The following CAPN12 variants were observed in gnomAD, a reference collection of about 807,000 sequenced individuals.
The protein encoded by CAPN12 is calpain 12.
In CAPN12, 107 loss-of-function variants were observed where a neutral mutation model predicts 95.0. The observed-to-expected ratio is 1.13, with a 90% CI of 0.96 to 1.32. The LOEUF (loss-of-function observed/expected upper bound fraction) is 1.32, where lower values mean the gene tolerates loss of function less well. Among genes scored for constraint, CAPN12 ranks in the 40% most tolerant of loss-of-function variants. The pLI is 0.00. For missense variants in CAPN12, 1,136 were observed against 997.8 expected (o/e 1.14, Z -1.87); for synonymous variants, 505 against 415.5 (o/e 1.22, Z -2.62).
At chr19:38,734,466 C>G (rs1156629682) in intron 15 of CAPN12, 77 bp from the exon 16 acceptor site, 1 of 1,288,278 alleles carries the variant, frequency 7.8e-7, no homozygotes, top group Non-Finnish European at 1.1e-6. Flanking sequence ...GGATGTGACT[C>G]CCTTAAGCAG....
Position 38,737,332 on chromosome 19 carries a change from C to A in CAPN12, c.1186G>T (p.Asp396Tyr), listed in dbSNP as rs764958894. Residue 396 changes from aspartate (D) to tyrosine (Y), a missense_variant, in exon 10 of 21, where the codon GAT (aspartate) becomes TAT (tyrosine). Coordinates refer to ENST00000328867, the MANE Select transcript of CAPN12 (RefSeq NM_144691.4). ...RLTLLEPDEE[D>Y]DEDEEGPWGG... ...CAGGGCCCTTCCTCATCCTCGTCAT[C>A]CTCCTCATCAGGCTCCAGCAGCGTT... The A allele has an allele frequency of 6.4e-7, 1 of 1,569,020 alleles. No individual in the cohort carries two copies. The highest frequency in any genetic ancestry group is 8.7e-7 in the Non-Finnish European group (1 of 1,154,624).
rs371144968 is a variant in CAPN12 at position 38,741,768 on chromosome 19, G to A, written c.560+9C>T. ...TAGGGCTGCAGCTGGTTGGAACTGG[G>A]GTCCTCACTTGGCGTAGGCCTTCTC... On this transcript the variant is annotated intron_variant, in intron 4 of 20. Coordinates refer to ENST00000328867, the MANE Select transcript of CAPN12 (RefSeq NM_144691.4). The A allele has an allele frequency of 1.9e-6, 3 of 1,613,646 alleles. No homozygotes were observed. Among genetic ancestry groups the A allele is most frequent in the Admixed American group, 3.3e-5 (2 of 59,980 alleles).
Position 38,744,340 on chromosome 19 carries a change from T to G in CAPN12, c.-175A>C. Reference sequence around the variant, plus strand: ...GAGCAGGGACGCCTCTTCAGTAGCTTTCTTCCCAGGGCGTGGGGCCTTCAG... The same window carrying G: ...GAGCAGGGACGCCTCTTCAGTAGCTGTCTTCCCAGGGCGTGGGGCCTTCAG... On this transcript the variant is annotated 5_prime_UTR_variant, in exon 1 of 21. Coordinates refer to ENST00000328867, the MANE Select transcript of CAPN12 (RefSeq NM_144691.4). 1 of 649,410 alleles carries G rather than the reference T, an allele frequency of 1.5e-6. No homozygotes were observed. The highest frequency in any genetic ancestry group is 1.9e-5 in the South Asian group (1 of 52,916). The allele number at this position is 649,410 out of a possible 1,614,324, so 40.2% of individuals were successfully genotyped here.
Position 38,737,209 on chromosome 19 carries a change from G to A in CAPN12, c.1309C>T (p.Arg437Cys), listed in dbSNP as rs746307019. ...TAAGTGAGGCCCTTGGCTCTCAGGC[G>A]CCGCCGGTTGCGCTGGATGAGGGAC... ...LLSLIQRNRR[R>C]LRAKGLTYLT... Residue 437 changes from arginine (R) to cysteine (C), a missense_variant, in exon 10 of 21, where the codon CGC (arginine) becomes TGC (cysteine). Transcript: ENST00000328867. 136 of 1,549,748 alleles carry A rather than the reference G, an allele frequency of 8.8e-5. No individual in the cohort carries two copies. Among genetic ancestry groups the A allele is most frequent in the Non-Finnish European group, 1.1e-4 (123 of 1,147,978 alleles).
In CAPN12 at chr19:38,734,298, C is replaced by A. The variant is rs772860951; in HGVS notation, c.1815+21G>T. 1.0e-5 allele frequency: 16 copies of A among 1,604,486 alleles called. No homozygotes were observed. In the South Asian group the frequency reaches 1.7e-4, roughly 17 times the overall value. Reference sequence around the variant, plus strand: ...CCCCTTCCCCACTCCCTCCCTCACCCAGGCACTGCCCCCCATGTACCCCGA... The same window carrying A: ...CCCCTTCCCCACTCCCTCCCTCACCAAGGCACTGCCCCCCATGTACCCCGA... On this transcript the variant is annotated intron_variant, in intron 16 of 20. Transcript: ENST00000328867.
At chr19:38,731,502 C>CTCCTTA in intron 18 of CAPN12, 1 of 501,204 alleles carries the variant, frequency 2.0e-6, no homozygotes, top group Non-Finnish European at 3.7e-6. Context: ...GGTACTGTTA[C>CTCCTTA]TCCTTAAATC....
chr19:38,730,545 A>ATCTT lies in CAPN12; in HGVS notation c.*303_*306dup. On this transcript the variant is annotated 3_prime_UTR_variant, in exon 21 of 21. Transcript: ENST00000328867. ...TTTTAAGAAGGATTCCTGCAGCATC[A>ATCTT]TCTTTTTTTATTTCTCCTGTGTCTG... 2.1e-6 allele frequency: 1 copy of ATCTT among 465,408 alleles called. No homozygotes were observed. Among genetic ancestry groups the ATCTT allele is most frequent in the Non-Finnish European group, 3.9e-6 (1 of 259,258 alleles). The allele number at this position is 465,408 out of a possible 1,614,324, so 28.8% of individuals were successfully genotyped here.
upstream of CAPN12, chr19:38,744,501 G>A (rs901676499): frequency 3.3e-5 from 13 of 395,008 alleles, no homozygotes; most frequent in Non-Finnish European, 5.2e-5. Flanking sequence ...GCCTACTTAT[G>A]CCTGTGGGGC....
chr19:38,733,421 T>C (rs1172057911), intron 18 of CAPN12: 17 of 441,190 alleles, frequency 3.9e-5, no homozygotes, highest in Non-Finnish European at 4.1e-5. Context: ...CAGCTCCTAA[T>C]CTTCCCCTTC....
intron 14 of CAPN12, 94 bp downstream of exon 14, chr19:38,735,276 A>C (rs1303316595): frequency 7.7e-7 from 1 of 1,300,386 alleles, no homozygotes; most frequent in Admixed American, 2.6e-5. Flanking sequence ...AAAAGCAAGC[A>C]AAATGAGACA....
rs1599874175 is a variant in CAPN12 at position 38,730,736 on chromosome 19, A to C, written c.*116T>G. 3 of 1,320,356 alleles carry C rather than the reference A, an allele frequency of 2.3e-6. No individual in the cohort carries two copies. 81.8% of individuals were successfully genotyped at this position (1,320,356 alleles called of 1,614,324 possible). On this transcript the variant is annotated 3_prime_UTR_variant, in exon 21 of 21. Transcript: ENST00000328867. ...CGGCCGTGAGCAGTGAGGGCCAGAG[A>C]CTAGCCCCAGACAGGTGGATGCCAG... is the stretch of plus-strand genomic sequence containing the variant.
At position 38,742,498 on chromosome 19, in the gene CAPN12, G is replaced by C; in HGVS notation, c.338C>G (p.Ser113Cys). The part of the protein sequence containing the change: ...GNCWFLAAAA[S>C]LTLYPRLLRR... The stretch of plus-strand genomic sequence containing the variant: ...CAGGAGCCGGGGATACAGAGTAAGG[G>C]AGGCGGCAGCTGCAAGGAACCAGCA... The change falls in exon 3 of 21, where the codon TCC becomes TGC. Residue 113 changes from serine (S) to cysteine (C), a missense_variant. Coordinates refer to ENST00000328867, the MANE Select transcript of CAPN12 (RefSeq NM_144691.4). 1 of 1,613,504 alleles carries C rather than the reference G, an allele frequency of 6.2e-7. No homozygotes were observed. Among genetic ancestry groups the C allele is most frequent in the Non-Finnish European group, 8.5e-7 (1 of 1,179,716 alleles).
chr19:38,735,280 T>G, intron 14 of CAPN12, 90 bp downstream of exon 14: 9 of 1,310,198 alleles, frequency 6.9e-6, no homozygotes, highest in Non-Finnish European at 8.3e-6. Flanking sequence ...GCAAGCAAAA[T>G]GAGACACCTG....
intron 15 of CAPN12, 154 bp from the exon 16 acceptor site, chr19:38,734,543 G>C (rs1260627861): frequency 1.4e-6 from 1 of 718,500 alleles, no homozygotes. Flanking sequence ...GCGCCTAGCA[G>C]AGCTGGGATT....
intron 18 of CAPN12, among the ~76,000 whole-genome samples, chr19:38,732,345 T>G (rs1452291924): frequency 6.6e-6 from 1 of 151,966 alleles, no homozygotes; most frequent in African/African-American, 2.4e-5. Context: ...TCTTTTTTCT[T>G]TTTTGAGACG....
rs1240210119 is a variant in CAPN12 at position 38,730,773 on chromosome 19, C to T, written c.*79G>A. On this transcript the variant is annotated 3_prime_UTR_variant, in exon 21 of 21. Coordinates refer to ENST00000328867, the MANE Select transcript of CAPN12 (RefSeq NM_144691.4). ...CAGGTGGATGCCAGAGAGAGTGGCA[C>T]CCATGCCAGGCAAGGCCTAGGGAGG... 1 of 1,502,764 alleles carries T rather than the reference C, an allele frequency of 6.7e-7. No homozygotes were observed. The highest frequency in any genetic ancestry group is 9.0e-7 in the Non-Finnish European group (1 of 1,106,290). The allele number at this position is 1,502,764 out of a possible 1,614,324, so 93.1% of individuals were successfully genotyped here.
At chr19:38,730,910 G>T in intron 20 of CAPN12, 32 bp from the exon 21 acceptor site, 1 of 1,550,728 alleles carries the variant, frequency 6.4e-7, no homozygotes, top group East Asian at 2.4e-5. Context: ...GTGGCTTGAG[G>T]CAGGGAGCTC....
At chr19:38,732,876 CTG>C (rs1037184434) in intron 18 of CAPN12, among the ~76,000 whole-genome samples, 1 of 152,208 alleles carries the variant, frequency 6.6e-6, no homozygotes, top group Admixed American at 6.5e-5. Flanking sequence ...CAGTGCTGTA[CTG>C]TCTCATCTGC....
intron 18 of CAPN12, chr19:38,733,070 G>A (rs1048675517): frequency 6.6e-6 from 1 of 151,534 alleles, no homozygotes; most frequent in African/African-American, 2.4e-5. Flanking sequence ...GCCCTGCAGT[G>A]CATGGACGAC....
Sources: allele counts gnomAD v4.1 joint callset (sites outside exome capture counted in the v4.1 genomes callset), GRCh38; gene constraint gnomAD v4.1.1; transcripts MANE v1.5; gene names NCBI Gene and HGNC (gene_info 2026-07-23, HGNC 2026-07-21).